MCC: variants seen among roughly 807,000 people sequenced by gnomAD.
MCC encodes MCC regulator of Wnt signaling pathway, also known as colorectal mutant cancer protein.
MCC carries 90 observed loss-of-function variants against 116.2 expected under a neutral mutation model. The observed-to-expected ratio is 0.77, with a 90% confidence interval of 0.65 to 0.92. The LOEUF is 0.92. Among genes scored for constraint, MCC ranks in the 40% least tolerant of loss-of-function variants. The pLI is 0.00. For missense variants in MCC, 1,516 were observed against 1,312.2 expected, an observed-to-expected ratio of 1.16 and a Z score of -2.40; for synonymous variants, 578 against 510.5, an observed-to-expected ratio of 1.13 and a Z score of -1.78.
intron 3 of MCC, among the ~76,000 whole-genome samples, chr5:113,283,430 A>G (rs1581364248): frequency 1.3e-5 from 2 of 152,362 alleles, no homozygotes; most frequent in East Asian, 3.9e-4. Flanking sequence ...GATGCTCAAC[A>G]TCACTAACCA....
rs187094324 is a variant in MCC at position 113,027,104 on chromosome 5, C to T, written c.*198G>A. 201 of 574,386 alleles carry T rather than the reference C, an allele frequency of 3.5e-4. No individual in the cohort carries two copies. The highest frequency in any genetic ancestry group is 3.4e-3 in the African/African-American group (180 of 53,196). 35.6% of individuals were successfully genotyped at this position (574,386 alleles called of 1,614,324 possible). A position where few individuals can be genotyped will look rare whatever the true frequency, so the allele number is the denominator to read the frequency against. Reference sequence around the variant, plus strand: ...TGTGGGCCCAGGAGGGAAGAGCGGGCACCTCTGGATACAGTCCACAATGTC... The same window carrying T: ...TGTGGGCCCAGGAGGGAAGAGCGGGTACCTCTGGATACAGTCCACAATGTC... On this transcript the variant is annotated 3_prime_UTR_variant, in exon 19 of 19. Transcript: ENST00000408903.
intron 8 of MCC, among the ~76,000 whole-genome samples, chr5:113,092,116 G>C (rs1252574361): frequency 1.3e-5 from 2 of 152,170 alleles, no homozygotes; most frequent in South Asian, 2.1e-4. Context: ...TAGGCTGAAT[G>C]ATGGCCCCCA....
Position 113,358,484 on chromosome 5 carries a change from A to T in MCC, c.416-17754T>A, listed in dbSNP as rs1056677367. 4.6e-5 allele frequency among the ~76,000 whole-genome samples: 7 copies of T among 152,320 alleles called. No homozygotes were observed. In the South Asian group the frequency reaches 1.5e-3, roughly 32 times the overall value. On this transcript the variant is annotated intron_variant, in intron 2 of 18. Transcript: ENST00000408903. ...GGCTCTTTCATCACAACAAAGGCAGATGAAAATGCAGAGTGTTTAGGGGAT... is the reference window on the plus strand; with the variant it reads ...GGCTCTTTCATCACAACAAAGGCAGTTGAAAATGCAGAGTGTTTAGGGGAT...
chr5:113,466,398 T>C (rs560225961), intron 1 of MCC, among the ~76,000 whole-genome samples: 1 of 145,280 alleles, frequency 6.9e-6, no homozygotes, highest in African/African-American at 2.5e-5. Context: ...GTGTTCTCAT[T>C]GTTCAATTCC....
intron 17 of MCC, among the ~76,000 whole-genome samples, chr5:113,033,256 A>T (rs1238679371): frequency 2.6e-5 from 4 of 152,342 alleles, no homozygotes; most frequent in Middle Eastern, 3.4e-3. Context: ...GACTCTTGTC[A>T]TCAGGCAAGC....
intron 3 of MCC, among the ~76,000 whole-genome samples, chr5:113,168,143 G>C (rs114828458): frequency 0.01 from 1,538 of 152,218 alleles, 36 homozygotes; most frequent in African/African-American, 0.033. Flanking sequence ...AGTTATGCTG[G>C]ATTTTCTTAT....
chr5:113,277,180 T>C (rs1425395896), intron 3 of MCC, among the ~76,000 whole-genome samples: 6 of 142,082 alleles, frequency 4.2e-5, no homozygotes, highest in African/African-American at 1.6e-4. Flanking sequence ...CCATCTCTAC[T>C]AAAAAAAAAC....
At chr5:113,446,911 G>T (rs1580386634) in intron 1 of MCC, among the ~76,000 whole-genome samples, 1 of 152,046 alleles carries the variant, frequency 6.6e-6, no homozygotes, top group Non-Finnish European at 1.5e-5. Flanking sequence ...AATATACCCA[G>T]GTAACAAACC....
rs558605746 is a variant in MCC at position 113,425,812 on chromosome 5, C to T, written c.171-40600G>A. Among the ~76,000 whole-genome samples, 24 of 152,034 alleles carry T rather than the reference C, an allele frequency of 1.6e-4. No homozygotes were observed. The South Asian group carries it at 4.8e-3, about 30-fold the overall frequency. ...GGGATTTTGAATATCTAGTATCTAT[C>T]TGACTTCTTAAGCCATGTATAACCT... On this transcript the variant is annotated intron_variant, in intron 1 of 18. Transcript: ENST00000408903.
intron 3 of MCC, among the ~76,000 whole-genome samples, chr5:113,157,828 A>G (rs1238232516): frequency 6.6e-6 from 1 of 152,256 alleles, no homozygotes; most frequent in African/African-American, 2.4e-5. Flanking sequence ...AAGCTATGAT[A>G]AAGTTTAATT....
intron 3 of MCC, among the ~76,000 whole-genome samples, chr5:113,251,332 A>C (rs531464268): frequency 9.2e-5 from 14 of 152,376 alleles, no homozygotes; most frequent in South Asian, 2.1e-4. Context: ...GTTAGAATTC[A>C]TGTTTCCATT....
At chr5:113,182,550 C>A (rs919650387) in intron 3 of MCC, among the ~76,000 whole-genome samples, 3 of 151,980 alleles carry the variant, frequency 2.0e-5, no homozygotes, top group African/African-American at 7.3e-5. Flanking sequence ...GAGCCAATAT[C>A]GTACCACTGC....
chr5:113,225,658 A>T (rs933888786), intron 3 of MCC, among the ~76,000 whole-genome samples: 13 of 152,162 alleles, frequency 8.5e-5, no homozygotes, highest in African/African-American at 2.9e-4. Flanking sequence ...GATAAGAATC[A>T]CTACCCAGGA....
intron 3 of MCC, among the ~76,000 whole-genome samples, chr5:113,259,179 G>C (rs867301714): frequency 6.6e-5 from 10 of 152,272 alleles, no homozygotes; most frequent in Middle Eastern, 3.4e-3. Context: ...CTCTTAGAAA[G>C]GTACTTCTCC....
intron 2 of MCC, among the ~76,000 whole-genome samples, chr5:113,367,189 G>T (rs752994918): frequency 3.3e-5 from 5 of 150,824 alleles, no homozygotes; most frequent in Non-Finnish European, 5.9e-5. Context: ...TATTCATTAT[G>T]TAAATAATGA....
At chr5:113,150,842 A>G (rs1463044334) in intron 4 of MCC, among the ~76,000 whole-genome samples, 1 of 152,164 alleles carries the variant, frequency 6.6e-6, no homozygotes, top group African/African-American at 2.4e-5. Context: ...CAAGAGGATC[A>G]CTTGAGCTCA....
At chr5:113,111,134 T>C (rs943620386) in intron 6 of MCC, among the ~76,000 whole-genome samples, 2 of 152,260 alleles carry the variant, frequency 1.3e-5, no homozygotes, top group African/African-American at 4.8e-5. Context: ...CCTTAGGTTT[T>C]TATGTTGCTG....
intron 8 of MCC, among the ~76,000 whole-genome samples, chr5:113,099,189 T>A (rs1756240743): frequency 2.0e-5 from 3 of 152,270 alleles, no homozygotes; most frequent in Admixed American, 2.0e-4. Context: ...TTCCTGAGAA[T>A]ATCTCTAGTT....
chr5:113,171,511 C>A (rs1005387553), intron 3 of MCC, among the ~76,000 whole-genome samples: 1 of 151,978 alleles, frequency 6.6e-6, no homozygotes, highest in Non-Finnish European at 1.5e-5. Flanking sequence ...TGCACTATTA[C>A]ACCTGGCTCA....
Sources: allele counts gnomAD v4.1 joint callset (sites outside exome capture counted in the v4.1 genomes callset), GRCh38; gene constraint gnomAD v4.1.1; transcripts MANE v1.5; gene names NCBI Gene and HGNC (gene_info 2026-07-23, HGNC 2026-07-21).